ACYP2: variants seen among roughly 807,000 people sequenced by gnomAD.
ACYP2 encodes the protein acylphosphatase 2, also known as acylphosphatase-2.
ACYP2 carries 12 observed loss-of-function variants against 11.2 expected under a neutral mutation model. The observed-to-expected ratio is 1.08, with a 90% CI of 0.69 to 1.74. The LOEUF (loss-of-function observed/expected upper bound fraction) is 1.74, where lower values mean the gene tolerates loss of function less well. Ranked by LOEUF, ACYP2 falls within the 40% of genes most tolerant of loss-of-function variation. The probability of loss-of-function intolerance (pLI) is 0.00; values close to 1 mark genes in which losing one functional copy is unlikely to be tolerated. For synonymous variants in ACYP2, 43 were observed against 32.2 expected, an observed-to-expected ratio of 1.33 and a Z score of -1.13; for missense variants, 134 against 101.9, an observed-to-expected ratio of 1.31 and a Z score of -1.35.
chr2:54,142,899 T>C (rs1380039862), intron 6 of ACYP2: 1 of 152,204 alleles, frequency 6.6e-6, no homozygotes, highest in African/African-American at 2.4e-5. Context: ...AAGTTATTTC[T>C]AAGTATCTTA....
intron 2 of ACYP2, among the ~76,000 whole-genome samples, chr2:54,007,902 A>G (rs1199516764): frequency 6.6e-6 from 1 of 152,092 alleles, no homozygotes; most frequent in Non-Finnish European, 1.5e-5. Flanking sequence ...GAAAAAAAAA[A>G]GGTGGTTTAG....
chr2:54,084,489 A>C (rs1339276328), intron 4 of ACYP2: 1 of 152,126 alleles, frequency 6.6e-6, no homozygotes, highest in Non-Finnish European at 1.5e-5. Context: ...ACGGGGTTTC[A>C]CCATATTGGC....
intron 2 of ACYP2, among the ~76,000 whole-genome samples, chr2:54,040,703 A>G (rs1675176564): frequency 1.3e-5 from 2 of 152,228 alleles, no homozygotes; most frequent in Admixed American, 1.3e-4. Context: ...TGATCAAGTA[A>G]GATGAAAATT....
chr2:54,085,665 A>G (rs1677909272), intron 4 of ACYP2, among the ~76,000 whole-genome samples: 1 of 152,130 alleles, frequency 6.6e-6, no homozygotes, highest in South Asian at 2.1e-4. Context: ...GTTTCCAAGA[A>G]CTTATTGACA....
chr2:54,145,953 C>A (rs1439056348), intron 6 of ACYP2, among the ~76,000 whole-genome samples: 1 of 152,174 alleles, frequency 6.6e-6, no homozygotes, highest in Admixed American at 6.5e-5. Context: ...CGCTGCTTTC[C>A]TGTAGAGCAG....
intron 6 of ACYP2, among the ~76,000 whole-genome samples, chr2:54,145,356 G>T (rs766010828): frequency 6.6e-6 from 1 of 152,184 alleles, no homozygotes; most frequent in African/African-American, 2.4e-5. Flanking sequence ...TGATTAAAGT[G>T]CTTGAATGAA....
intron 6 of ACYP2, among the ~76,000 whole-genome samples, chr2:54,231,055 T>C (rs1345117958): frequency 5.9e-5 from 9 of 152,024 alleles, no homozygotes; most frequent in Non-Finnish European, 1.2e-4. Context: ...GGTCTTAAAC[T>C]CCTGACCTCA....
chr2:53,979,788 A>C (rs1175756599), intron 2 of ACYP2, among the ~76,000 whole-genome samples: 1 of 151,466 alleles, frequency 6.6e-6, no homozygotes, highest in African/African-American at 2.4e-5. Context: ...TGCTACCTCC[A>C]CCTCAAGGGA....
intron 6 of ACYP2, among the ~76,000 whole-genome samples, chr2:54,293,817 G>C (rs1689412237): frequency 6.6e-6 from 1 of 152,046 alleles, no homozygotes; most frequent in Non-Finnish European, 1.5e-5. Flanking sequence ...CACTAATCAA[G>C]GGCTACATAT....
intron 6 of ACYP2, among the ~76,000 whole-genome samples, chr2:54,170,187 C>T (rs1268340064): frequency 1.3e-5 from 2 of 152,182 alleles, no homozygotes; most frequent in African/African-American, 4.8e-5. Flanking sequence ...GACTCTCACT[C>T]TGTTGCCCAG....
chr2:54,070,445 T>C (rs1314127796), intron 4 of ACYP2, among the ~76,000 whole-genome samples: 1 of 152,188 alleles, frequency 6.6e-6, no homozygotes, highest in African/African-American at 2.4e-5. Context: ...TTCATGAGGA[T>C]GAATTTTACA....
intron 1 of ACYP2, among the ~76,000 whole-genome samples, chr2:53,971,738 G>C (rs553366906): frequency 6.6e-6 from 1 of 152,340 alleles, no homozygotes; most frequent in Admixed American, 6.5e-5. Context: ...TTGAGAGGGT[G>C]TCATTTTCCT....
chr2:54,020,444 A>G (rs1410807166), intron 2 of ACYP2, among the ~76,000 whole-genome samples: 2 of 152,350 alleles, frequency 1.3e-5, no homozygotes, highest in South Asian at 4.1e-4. Flanking sequence ...TTAAAAGAAA[A>G]AAAGCCAAAA....
intron 4 of ACYP2, among the ~76,000 whole-genome samples, chr2:54,117,615 CTG>C: frequency 6.6e-6 from 1 of 152,278 alleles, no homozygotes. Context: ...AATGAGAAGA[CTG>C]GGGGTGTTTA....
intron 6 of ACYP2, among the ~76,000 whole-genome samples, chr2:54,198,637 T>A (rs1393890557): frequency 6.6e-6 from 1 of 152,168 alleles, no homozygotes; most frequent in Non-Finnish European, 1.5e-5. Flanking sequence ...AATATTAGTA[T>A]GAATTTTACC....
intron 6 of ACYP2, among the ~76,000 whole-genome samples, chr2:54,195,185 C>T (rs949466734): frequency 6.6e-6 from 1 of 152,152 alleles, no homozygotes; most frequent in Non-Finnish European, 1.5e-5. Context: ...GGAATGTGGT[C>T]ACTGCTATAA....
At chr2:54,143,934 G>A (rs1456277798) in intron 6 of ACYP2, among the ~76,000 whole-genome samples, 2 of 151,944 alleles carry the variant, frequency 1.3e-5, no homozygotes, top group African/African-American at 2.4e-5. Flanking sequence ...TCTCAATGTT[G>A]ACCTTTAACC....
chr2:54,259,595 C>T (rs549676018), intron 6 of ACYP2, among the ~76,000 whole-genome samples: 3 of 151,176 alleles, frequency 2.0e-5, no homozygotes, highest in East Asian at 1.9e-4. Context: ...GAGAATTGAC[C>T]GTCGGATTTT....
At chr2:54,033,515 T>C (rs1250035805) in intron 2 of ACYP2, among the ~76,000 whole-genome samples, 2 of 152,112 alleles carry the variant, frequency 1.3e-5, no homozygotes, top group South Asian at 2.1e-4. Context: ...GCCTGGCCTA[T>C]CCACACATTT....
Sources: allele counts gnomAD v4.1 joint callset (sites outside exome capture counted in the v4.1 genomes callset), GRCh38; gene constraint gnomAD v4.1.1; transcripts MANE v1.5; gene names NCBI Gene and HGNC (gene_info 2026-07-23, HGNC 2026-07-21).